Variants in SASH1 observed in about 807,000 individuals in gnomAD.
The protein encoded by SASH1 is SAM and SH3 domain-containing protein 1.
Under a neutral mutation model 125.2 loss-of-function variants are expected in SASH1, and 44 were observed. The ratio of observed to expected loss-of-function variants is 0.35; its 90% CI spans 0.28 to 0.45. The LOEUF (loss-of-function observed/expected upper bound fraction) is 0.45, where lower values mean the gene tolerates loss of function less well. Ranked by LOEUF, SASH1 falls within the 20% of genes least tolerant of loss-of-function variation. The probability of loss-of-function intolerance (pLI) is 1.00; values close to 1 mark genes in which losing one functional copy is unlikely to be tolerated. For synonymous variants in SASH1, 639 were observed against 649.1 expected (o/e 0.98, Z 0.24); for missense variants, 1,426 against 1,614.5 (o/e 0.88, Z 2.00).
At chr6:148,514,945 C>T (rs567241940) in intron 9 of SASH1, among the ~76,000 whole-genome samples, 1 of 152,296 alleles carries the variant, frequency 6.6e-6, no homozygotes, top group East Asian at 1.9e-4. Context: ...AGTCTCAAGT[C>T]TCAATTCAAA....
intron 8 of SASH1, among the ~76,000 whole-genome samples, chr6:148,492,983 T>TAG (rs1779172124): frequency 6.6e-6 from 1 of 152,230 alleles, no homozygotes; most frequent in African/African-American, 2.4e-5. Context: ...AAATTCAGCC[T>TAG]GTCTTAGTTA....
chr6:148,514,143 A>G, intron 8 of SASH1, 181 bp from the exon 9 acceptor site: 22 of 1,382,290 alleles, frequency 1.6e-5, no homozygotes, highest in Non-Finnish European at 2.1e-5. Context: ...TTCTACGCCG[A>G]TTTAGATCTT....
intron 2 of SASH1, among the ~76,000 whole-genome samples, chr6:148,412,347 GT>G (rs945927345): frequency 6.6e-6 from 1 of 152,102 alleles, no homozygotes; most frequent in African/African-American, 2.4e-5. Flanking sequence ...GGGCAGTGGG[GT>G]TTTGAGAGAA....
intron 8 of SASH1, among the ~76,000 whole-genome samples, chr6:148,506,488 A>C (rs1228083194): frequency 6.6e-6 from 1 of 152,120 alleles, no homozygotes; most frequent in Non-Finnish European, 1.5e-5. Flanking sequence ...TAATAATATT[A>C]ATAGTAATAG....
At position 148,548,309 on chromosome 6, in the gene SASH1, A is replaced by G; in HGVS notation, c.3495A>G (p.Gly1165=). The G allele has an allele frequency of 6.2e-7, 1 of 1,612,038 alleles. No homozygotes were observed. Among genetic ancestry groups the G allele is most frequent in the Non-Finnish European group, 8.5e-7 (1 of 1,179,028 alleles). The change falls in exon 20 of 20, where the codon GGA becomes GGG. Residue 1165 remains glycine, a synonymous_variant. Coordinates refer to ENST00000367467, the MANE Select transcript of SASH1 (RefSeq NM_015278.5). The part of the protein sequence containing the change: ...KQHRMAIPSG[G]LTEICRKPVS... ...AATTTATCCAGATTCCAAGTGGTGG[A>G]CTCACGGAAATCTGCCGAAAGCCCG...
rs200708826 is a variant in SASH1, at chr6:148,482,688, ATT to A, written c.628-4909_628-4908del. Among the ~76,000 whole-genome samples, 129 of 99,882 alleles carry A rather than the reference ATT, an allele frequency of 1.3e-3. 3 individuals are homozygous for A. The highest frequency in any genetic ancestry group is 4.5e-3 in the African/African-American group (101 of 22,532). The allele number at this position is 99,882 out of a possible 152,430, so 65.5% of individuals were successfully genotyped here. ...AGGCATGTGCCACCACACCTGGCTAATTTTTTTTTTTTTTTTTTGAGAGAGAG... is the reference window on the plus strand; with the variant it reads ...AGGCATGTGCCACCACACCTGGCTAATTTTTTTTTTTTTTTTGAGAGAGAG... On this transcript the variant is annotated intron_variant, in intron 7 of 19. Transcript: ENST00000367467.
At chr6:148,492,113 C>G (rs1779133545) in intron 8 of SASH1, among the ~76,000 whole-genome samples, 1 of 152,170 alleles carries the variant, frequency 6.6e-6, no homozygotes, top group African/African-American at 2.4e-5. Flanking sequence ...GCATCTGAGT[C>G]AAGGGAGAGG....
At chr6:148,498,685 A>G (rs767387100) in intron 8 of SASH1, among the ~76,000 whole-genome samples, 1 of 152,194 alleles carries the variant, frequency 6.6e-6, no homozygotes, top group Admixed American at 6.5e-5. Context: ...CTAGCTGATT[A>G]TATTTCAGTA....
intron 2 of SASH1, 55 bp downstream of exon 2, chr6:148,390,317 C>G (rs1188905898): frequency 3.2e-6 from 5 of 1,564,660 alleles, no homozygotes. Flanking sequence ...CCAATTTGGG[C>G]TTTTCCTTGG....
At chr6:148,311,787 C>T (rs917941999) in intron 1 of SASH1, among the ~76,000 whole-genome samples, 8 of 151,886 alleles carry the variant, frequency 5.3e-5, no homozygotes, top group Admixed American at 3.9e-4. Flanking sequence ...CCAGCCTGGG[C>T]GACAGGGCAA....
At chr6:148,300,011 A>C (rs1348908556) in intron 1 of SASH1, among the ~76,000 whole-genome samples, 1 of 152,208 alleles carries the variant, frequency 6.6e-6, no homozygotes, top group Non-Finnish European at 1.5e-5. Context: ...GTTTGGCAAC[A>C]CACTGCAGCT....
At chr6:148,245,887 G>A in the SASH1 span, among the ~76,000 whole-genome samples, 2 of 151,986 alleles carry the variant, frequency 1.3e-5, no homozygotes, top group African/African-American at 4.8e-5. Context: ...TACTCGGGAG[G>A]CTGAGGCAGG....
chr6:148,434,069 T>TTC lies in SASH1; in HGVS notation c.286-6114_286-6113insCT, dbSNP rs1358081667. On this transcript the variant is annotated intron_variant, in intron 2 of 19. Transcript: ENST00000367467. ...AAACATAGGGGAACTGGAGATTTTT[T>TTC]TTTTTTTTTTTTTTTTTTTTTTTTT... 4.6e-3 allele frequency among the ~76,000 whole-genome samples: 25 copies of TTC among 5,390 alleles called. 1 individual carries two copies. The East Asian group carries it at 0.11, about 24-fold the overall frequency. 3.5% of individuals were successfully genotyped at this position (5,390 alleles called of 152,430 possible). A position where few individuals can be genotyped will look rare whatever the true frequency, so the allele number is the denominator to read the frequency against.
rs139226300 is a variant in SASH1, at chr6:148,521,467, C to G, written c.1209+1574C>G. Among the ~76,000 whole-genome samples, 1,043 of 152,356 alleles carry G rather than the reference C, an allele frequency of 6.8e-3. 17 individuals carry two copies. Among genetic ancestry groups the G allele is most frequent in the African/African-American group, 0.024 (989 of 41,584 alleles). ...TGGTCAATGCCATTCTTAAAACGAC[C>G]TTCTCTGTTGTAAAAGAATCCTTAG... On this transcript the variant is annotated intron_variant, in intron 10 of 19. Transcript: ENST00000367467.
At chr6:148,240,074 G>A in the SASH1 span, 1 of 152,126 alleles carries the variant, frequency 6.6e-6, no homozygotes, top group Non-Finnish European at 1.5e-5. Context: ...GTAAAAAAAT[G>A]CAGTTATATC....
At chr6:148,496,681 C>T (rs1160063945) in intron 8 of SASH1, among the ~76,000 whole-genome samples, 1 of 151,964 alleles carries the variant, frequency 6.6e-6, no homozygotes, top group East Asian at 1.9e-4. Context: ...CACTTGAGGC[C>T]AGAAGTTCAA....
chr6:148,415,246 T>G (rs1289079875), intron 2 of SASH1, among the ~76,000 whole-genome samples: 1 of 152,202 alleles, frequency 6.6e-6, no homozygotes, highest in East Asian at 1.9e-4. Context: ...TGATAATTAT[T>G]TGTTTGTCTA....
intron 2 of SASH1, among the ~76,000 whole-genome samples, chr6:148,438,487 T>C (rs1242266145): frequency 6.6e-6 from 1 of 152,144 alleles, no homozygotes; most frequent in Non-Finnish European, 1.5e-5. Context: ...TACAGAAATA[T>C]GTCTGTCATG....
At chr6:148,527,299 G>GAGAT (rs1562485032) in intron 11 of SASH1, 154 bp from the exon 12 acceptor site, 1 of 595,244 alleles carries the variant, frequency 1.7e-6, no homozygotes, top group Admixed American at 4.2e-5. Flanking sequence ...TTTAATCAAA[G>GAGAT]AGATAAATAA....
Sources: gnomAD v4.1 joint callset for allele counts (sites outside exome capture counted in the v4.1 genomes callset) on GRCh38, gnomAD v4.1.1 for gene constraint, MANE v1.5 for transcripts, NCBI Gene and HGNC (gene_info 2026-07-23, HGNC 2026-07-21) for gene names.